HSD17B8: variants seen among roughly 807,000 people sequenced by gnomAD.
HSD17B8 encodes (3R)-3-hydroxyacyl-CoA dehydrogenase.
Under a neutral mutation model 33.2 loss-of-function variants are expected in HSD17B8, and 23 were observed. The ratio of observed to expected loss-of-function variants is 0.69; its 90% CI spans 0.50 to 0.98. The LOEUF is 0.98. HSD17B8 is among the 50% of genes least tolerant of loss of function. The probability of loss-of-function intolerance (pLI) is 0.00; values close to 1 mark genes in which losing one functional copy is unlikely to be tolerated. For synonymous variants in HSD17B8, 137 were observed against 138.6 expected (o/e 0.99, Z 0.08); for missense variants, 345 against 347.5 (o/e 0.99, Z 0.06).
In HSD17B8 at chr6:33,205,198, T is replaced by C; in HGVS notation, c.271-23T>C. Reference sequence around the variant, plus strand: ...CCGGCTTTTTGTGGGGGGTTTTTGATGCGTAACCTCCCCCTCCCATAGGCC... The same window carrying C: ...CCGGCTTTTTGTGGGGGGTTTTTGACGCGTAACCTCCCCCTCCCATAGGCC... On this transcript the variant is annotated intron_variant, in intron 2 of 8. Transcript: ENST00000374662. The surrounding 1 kb of genome is among the most constrained non-coding windows in gnomAD (Gnocchi z 5.0). The C allele has an allele frequency of 1.2e-6, 2 of 1,611,386 alleles. No homozygotes were observed. Among genetic ancestry groups the C allele is most frequent in the Non-Finnish European group, 1.7e-6 (2 of 1,178,530 alleles).
At position 33,205,431 on chromosome 6, in the gene HSD17B8, T is replaced by A. The variant is rs1378605742; in HGVS notation, c.388-16T>A. On this transcript the variant is annotated splice_polypyrimidine_tract_variant and intron_variant, in intron 3 of 8. Coordinates refer to ENST00000374662, the MANE Select transcript of HSD17B8 (RefSeq NM_014234.5). This position sits in a 1 kb window ranked among gnomAD's most constrained non-coding sequence, Gnocchi z 5.0. ...CCCCAGCTGATCTTTTCTCCCTTGT[T>A]ACCCTTTCCCGCCAGGGCACCTTCC... The A allele has an allele frequency of 6.2e-7, 1 of 1,612,490 alleles. No homozygotes were observed. Among genetic ancestry groups the A allele is most frequent in the African/African-American group, 1.3e-5 (1 of 74,918 alleles).
chr6:33,206,645 T>C lies in HSD17B8; in HGVS notation c.777T>C (p.Leu259=). 1 of 1,613,964 alleles carries C rather than the reference T, an allele frequency of 6.2e-7. No homozygotes were observed. Among genetic ancestry groups the C allele is most frequent in the Non-Finnish European group, 8.5e-7 (1 of 1,179,934 alleles). The change falls in exon 9 of 9, where the codon CTT becomes CTC. Residue 259 remains leucine, a synonymous_variant. Transcript: ENST00000374662. This position sits in a 1 kb window ranked among gnomAD's most constrained non-coding sequence, Gnocchi z 6.2. The part of the protein sequence containing the change: ...TGTSVEVTGG[L]FM ...TGTTTCTGCCCCTCCCAGGAGGTCTTTTCATGTAACTGCCTCAAGGACCCT... is the reference window on the plus strand; with the variant it reads ...TGTTTCTGCCCCTCCCAGGAGGTCTCTTCATGTAACTGCCTCAAGGACCCT...
chr6:33,206,198 G>T lies in HSD17B8; in HGVS notation c.694+22G>T. The T allele has an allele frequency of 6.2e-7, 1 of 1,611,274 alleles. No homozygotes were observed. The highest frequency in any genetic ancestry group is 8.5e-7 in the Non-Finnish European group (1 of 1,178,750). Reference sequence around the variant, plus strand: ...GAGGGTGAGCACTGAATGTAGTGGGGTCCCTGGGAAGGGGGCCTGAATGAA... The same window carrying T: ...GAGGGTGAGCACTGAATGTAGTGGGTTCCCTGGGAAGGGGGCCTGAATGAA... On this transcript the variant is annotated intron_variant, in intron 7 of 8. Coordinates refer to ENST00000374662, the MANE Select transcript of HSD17B8 (RefSeq NM_014234.5). This position sits in a 1 kb window ranked among gnomAD's most constrained non-coding sequence, Gnocchi z 6.2.
chr6:33,205,695 T>C lies in HSD17B8; in HGVS notation c.536T>C (p.Leu179Pro). ...YAASKAGVIGLTQTAARELGR... is the reference protein window; with the variant it reads ...YAASKAGVIGPTQTAARELGR... The stretch of plus-strand genomic sequence containing the variant: ...GCATCCAAGGCTGGAGTGATTGGGC[T>C]GACCCAGACCGCAGCCCGGGAGCTT... The change falls in exon 5 of 9, where the codon CTG (leucine) becomes CCG (proline). Residue 179 changes from leucine (L) to proline (P), a missense_variant. Transcript: ENST00000374662. The surrounding 1 kb of genome is among the most constrained non-coding windows in gnomAD (Gnocchi z 5.0). The C allele has an allele frequency of 6.2e-7, 1 of 1,613,094 alleles. No individual in the cohort carries two copies. Among genetic ancestry groups the C allele is most frequent in the Non-Finnish European group, 8.5e-7 (1 of 1,180,028 alleles).
chr6:33,206,514 G>A lies in HSD17B8; in HGVS notation c.769+65G>A, dbSNP rs1775076368. On this transcript the variant is annotated intron_variant, in intron 8 of 8. Coordinates refer to ENST00000374662, the MANE Select transcript of HSD17B8 (RefSeq NM_014234.5). This position sits in a 1 kb window ranked among gnomAD's most constrained non-coding sequence, Gnocchi z 6.2. ...GAACCCAGACTATATGAGAAAGCAA[G>A]TAAGGGGAGTCTGGAGCCACTGGGA... is the stretch of plus-strand genomic sequence containing the variant. 1 of 1,568,094 alleles carries A rather than the reference G, an allele frequency of 6.4e-7. No individual in the cohort carries two copies. The highest frequency in any genetic ancestry group is 8.8e-7 in the Non-Finnish European group (1 of 1,138,414).
rs762058494 is a variant in HSD17B8 at position 33,205,696 on chromosome 6, G to A, written c.537G>A (p.Leu179=). The part of the protein sequence containing the change: ...YAASKAGVIG[L]TQTAARELGR... ...CATCCAAGGCTGGAGTGATTGGGCT[G>A]ACCCAGACCGCAGCCCGGGAGCTTG... Residue 179 remains leucine, a synonymous_variant, in exon 5 of 9, where the codon CTG becomes CTA. Transcript: ENST00000374662. The surrounding 1 kb of genome is among the most constrained non-coding windows in gnomAD (Gnocchi z 5.0). 2 of 1,613,106 alleles carry A rather than the reference G, an allele frequency of 1.2e-6. No individual in the cohort carries two copies. Among genetic ancestry groups the A allele is most frequent in the Admixed American group, 1.7e-5 (1 of 60,030 alleles).
Position 33,205,998 on chromosome 6 carries a change from A to AGAGAGAGAGAGAG in HSD17B8, c.651+86_651+87insGAGAGAGAGAGAG. The AGAGAGAGAGAGAG allele has an allele frequency of 1.3e-5, 18 of 1,342,736 alleles. No individual in the cohort carries two copies. The highest frequency in any genetic ancestry group is 1.3e-4 in the South Asian group (11 of 82,788). 83.2% of individuals were successfully genotyped at this position (1,342,736 alleles called of 1,614,324 possible). ...GAGAGAGAGAGAGAGAGAGAGAGAG[A>AGAGAGAGAGAGAG]ATACTGGGCACAGTTCCTGGCAAAC... On this transcript the variant is annotated intron_variant, in intron 6 of 8. Coordinates refer to ENST00000374662, the MANE Select transcript of HSD17B8 (RefSeq NM_014234.5). The surrounding 1 kb of genome is among the most constrained non-coding windows in gnomAD (Gnocchi z 5.0).
At position 33,205,006 on chromosome 6, in the gene HSD17B8, C is replaced by G; in HGVS notation, c.157C>G (p.Arg53Gly). The G allele has an allele frequency of 6.6e-7, 1 of 1,503,774 alleles. No homozygotes were observed. Among genetic ancestry groups the G allele is most frequent in the Non-Finnish European group, 8.8e-7 (1 of 1,132,290 alleles). 93.2% of individuals were successfully genotyped at this position (1,503,774 alleles called of 1,614,324 possible). A position where few individuals can be genotyped will look rare whatever the true frequency, so the allele number is the denominator to read the frequency against. Residue 53 changes from arginine to glycine, a missense_variant, in exon 2 of 9, where the codon CGG (arginine) becomes GGG (glycine). Physicochemically the swap from Arg to Gly is moderately radical, Grantham distance 125. Transcript: ENST00000374662. The surrounding 1 kb of genome is among the most constrained non-coding windows in gnomAD (Gnocchi z 5.0). ...LDRAAAQETVRLLGGPGSKEG... is the reference protein window; with the variant it reads ...LDRAAAQETVGLLGGPGSKEG... ...CCGGGCAGCGGCACAGGAGACGGTG[C>G]GGCTGCTGGGCGGGCCAGGGAGCAA...
At position 33,205,313 on chromosome 6, in the gene HSD17B8, C is replaced by T; in HGVS notation, c.363C>T (p.Asp121=). The T allele has an allele frequency of 6.2e-7, 1 of 1,613,330 alleles. No homozygotes were observed. The highest frequency in any genetic ancestry group is 8.5e-7 in the Non-Finnish European group (1 of 1,179,878). The change falls in exon 3 of 9, where the codon GAC becomes GAT. Residue 121 remains aspartate (D), a synonymous_variant. Transcript: ENST00000374662. The surrounding 1 kb of genome is among the most constrained non-coding windows in gnomAD (Gnocchi z 5.0). ...FLLHMSEDDW[D]KVIAVNLKGT... ...TGCACATGTCTGAGGATGACTGGGA[C>T]AAAGTCATAGCTGTCAACCTCAAGG...
rs771158268 is a variant in HSD17B8 at position 33,204,945 on chromosome 6, C to T, written c.96C>T (p.Ala32=). Residue 32 remains alanine (A), a synonymous_variant, in exon 2 of 9, where the codon GCC becomes GCT. Coordinates refer to ENST00000374662, the MANE Select transcript of HSD17B8 (RefSeq NM_014234.5). Reference sequence around the variant, plus strand: ...GCCGAGCGGTCAGTGTACGCCTGGCCGGAGAGGGGGCCACCGTAGCTGCCT... The same window carrying T: ...GCCGAGCGGTCAGTGTACGCCTGGCTGGAGAGGGGGCCACCGTAGCTGCCT... The part of the protein sequence containing the change: ...GIGRAVSVRL[A]GEGATVAACD... The T allele has an allele frequency of 1.1e-5, 16 of 1,463,222 alleles. No homozygotes were observed. The South Asian group carries it at 1.9e-4, about 17-fold the overall frequency. The allele number at this position is 1,463,222 out of a possible 1,614,324, so 90.6% of individuals were successfully genotyped here.
chr6:33,205,592 C>T lies in HSD17B8; in HGVS notation c.481-48C>T. 2.5e-6 allele frequency: 4 copies of T among 1,610,358 alleles called. No homozygotes were observed. Among genetic ancestry groups the T allele is most frequent in the Non-Finnish European group, 3.4e-6 (4 of 1,177,578 alleles). On this transcript the variant is annotated intron_variant, in intron 4 of 8. Transcript: ENST00000374662. The surrounding 1 kb of genome is among the most constrained non-coding windows in gnomAD (Gnocchi z 5.0). ...AGCCAAGTGGTATAGAGAGGAGAACCCCTCCTTGAGACTCCTGACTCATTC... is the reference window on the plus strand; with the variant it reads ...AGCCAAGTGGTATAGAGAGGAGAACTCCTCCTTGAGACTCCTGACTCATTC...
In HSD17B8 at chr6:33,206,189, T is replaced by A; in HGVS notation, c.694+13T>A. ...GGGGACCCTGAGGGTGAGCACTGAATGTAGTGGGGTCCCTGGGAAGGGGGC... is the reference window on the plus strand; with the variant it reads ...GGGGACCCTGAGGGTGAGCACTGAAAGTAGTGGGGTCCCTGGGAAGGGGGC... On this transcript the variant is annotated intron_variant, in intron 7 of 8. Coordinates refer to ENST00000374662, the MANE Select transcript of HSD17B8 (RefSeq NM_014234.5). This position sits in a 1 kb window ranked among gnomAD's most constrained non-coding sequence, Gnocchi z 6.2. The A allele has an allele frequency of 6.2e-7, 1 of 1,611,956 alleles. No individual in the cohort carries two copies. The highest frequency in any genetic ancestry group is 8.5e-7 in the Non-Finnish European group (1 of 1,179,272).
At position 33,204,900 on chromosome 6, in the gene HSD17B8, A is replaced by G; in HGVS notation, c.53-2A>G. On this transcript the variant is annotated splice_acceptor_variant, in intron 1 of 8. Coordinates refer to ENST00000374662, the MANE Select transcript of HSD17B8 (RefSeq NM_014234.5). LOFTEE classifies it high-confidence loss of function. Reference sequence around the variant, plus strand: ...GGTCCGGCGTGTTCTGTCCTACCTCAGGTGCGGGGAGCGGCATCGGCCGAG... The same window carrying G: ...GGTCCGGCGTGTTCTGTCCTACCTCGGGTGCGGGGAGCGGCATCGGCCGAG... 2 of 1,468,352 alleles carry G rather than the reference A, an allele frequency of 1.4e-6. No individual in the cohort carries two copies. The highest frequency in any genetic ancestry group is 1.4e-5 in the African/African-American group (1 of 70,874). The allele number at this position is 1,468,352 out of a possible 1,614,324, so 91.0% of individuals were successfully genotyped here. A position where few individuals can be genotyped will look rare whatever the true frequency, so the allele number is the denominator to read the frequency against.
chr6:33,205,570 C>T lies in HSD17B8; in HGVS notation c.480+31C>T, dbSNP rs1441711285. 1 of 1,611,092 alleles carries T rather than the reference C, an allele frequency of 6.2e-7. No homozygotes were observed. ...GTTGAGTTGGACGAGGTCAGCCAGC[C>T]AAGTGGTATAGAGAGGAGAACCCCT... On this transcript the variant is annotated intron_variant, in intron 4 of 8. Coordinates refer to ENST00000374662, the MANE Select transcript of HSD17B8 (RefSeq NM_014234.5). The surrounding 1 kb of genome is among the most constrained non-coding windows in gnomAD (Gnocchi z 5.0).
Position 33,205,354 on chromosome 6 carries a change from C to T in HSD17B8, c.387+17C>T, listed in dbSNP as rs1254926190. The T allele has an allele frequency of 6.2e-7, 1 of 1,609,792 alleles. No individual in the cohort carries two copies. The highest frequency in any genetic ancestry group is 8.5e-7 in the Non-Finnish European group (1 of 1,176,710). On this transcript the variant is annotated intron_variant, in intron 3 of 8. Coordinates refer to ENST00000374662, the MANE Select transcript of HSD17B8 (RefSeq NM_014234.5). The surrounding 1 kb of genome is among the most constrained non-coding windows in gnomAD (Gnocchi z 5.0). ...AACCTCAAGGTGGCGATCTCTGAAC[C>T]TGCGACGTTTGGCCCCCTTAGCCTG...
rs768476738 is a variant in HSD17B8, at chr6:33,205,525, A to G, written c.466A>G (p.Ser156Gly). The G allele has an allele frequency of 2.5e-6, 4 of 1,613,016 alleles. No individual in the cohort carries two copies. Among genetic ancestry groups the G allele is most frequent in the South Asian group, 2.2e-5 (2 of 91,078 alleles). ...TCGTGGTTCCATCATCAACATCAGT[A>G]GCATCGTAGGAAAGGTCAGGTTGAG... Reference protein sequence around the residue: ...GCRGSIINISSIVGKVGNVGQ... With the variant: ...GCRGSIINISGIVGKVGNVGQ... Residue 156 changes from serine to glycine, a missense_variant, in exon 4 of 9, where the codon AGC becomes GGC. Physicochemically the swap from Ser to Gly is moderately conservative, Grantham distance 56. Transcript: ENST00000374662. This position sits in a 1 kb window ranked among gnomAD's most constrained non-coding sequence, Gnocchi z 5.0.
Position 33,206,655 on chromosome 6 carries a change from C to T in HSD17B8, c.*1C>T. On this transcript the variant is annotated 3_prime_UTR_variant, in exon 9 of 9. Transcript: ENST00000374662. The surrounding 1 kb of genome is among the most constrained non-coding windows in gnomAD (Gnocchi z 6.2). ...CCTCCCAGGAGGTCTTTTCATGTAA[C>T]TGCCTCAAGGACCCTGGACTCTGCT... 6.2e-7 allele frequency: 1 copy of T among 1,613,930 alleles called. No individual in the cohort carries two copies. The highest frequency in any genetic ancestry group is 1.1e-5 in the South Asian group (1 of 91,072).
Position 33,205,098 on chromosome 6 carries a change from G to A in HSD17B8, c.249G>A (p.Arg83=). ...ACGTGTCTGAGGCCAGGGCCGCCAGGTGCCTGCTGGAACAAGTGCAGGTGA... is the reference window on the plus strand; with the variant it reads ...ACGTGTCTGAGGCCAGGGCCGCCAGATGCCTGCTGGAACAAGTGCAGGTGA... ...QADVSEARAA[R]CLLEQVQACF... Residue 83 remains arginine (R), a synonymous_variant, in exon 2 of 9, where the codon AGG becomes AGA. Transcript: ENST00000374662. The surrounding 1 kb of genome is among the most constrained non-coding windows in gnomAD (Gnocchi z 5.0). The A allele has an allele frequency of 6.4e-7, 1 of 1,566,144 alleles. No individual in the cohort carries two copies.
In HSD17B8 at chr6:33,205,758, C is replaced by T. The variant is rs1405771087; in HGVS notation, c.566+33C>T. On this transcript the variant is annotated intron_variant, in intron 5 of 8. Transcript: ENST00000374662. The surrounding 1 kb of genome is among the most constrained non-coding windows in gnomAD (Gnocchi z 5.0). ...AGATGCTTGAGGGTGCTGGGGAGCA[C>T]CTGGGGGGTCTGAGGGAGGTACCAG... 6.2e-7 allele frequency: 1 copy of T among 1,611,850 alleles called. No homozygotes were observed.
Sources: gnomAD v4.1 joint callset for allele counts on GRCh38, gnomAD v4.1.1 for gene constraint, Gnocchi (gnomAD v3.1) non-coding constraint, MANE v1.5 for transcripts, NCBI Gene and HGNC (gene_info 2026-07-23, HGNC 2026-07-21) for gene names.